CMTM8: variants seen among roughly 807,000 people sequenced by gnomAD.
CMTM8 encodes CKLF-like MARVEL transmembrane domain-containing protein 8.
CMTM8 carries 12 observed loss-of-function variants against 18.6 expected under a neutral mutation model. The ratio of observed to expected loss-of-function variants is 0.65; its 90% CI spans 0.41 to 1.05. CMTM8 has a LOEUF of 1.05. CMTM8 is among the 50% of genes least tolerant of loss of function. The pLI is 0.00. For missense variants in CMTM8, 217 were observed against 227.2 expected (o/e 0.95, Z 0.29); for synonymous variants, 87 against 90.6 (o/e 0.96, Z 0.23).
intron 1 of CMTM8, among the ~76,000 whole-genome samples, chr3:32,330,504 T>C (rs1696253165): frequency 6.6e-6 from 1 of 152,144 alleles, no homozygotes; most frequent in Admixed American, 6.5e-5. Flanking sequence ...ATGTTTGTTT[T>C]ATATGTATAT....
At chr3:32,352,006 G>A (rs1046131895) in intron 1 of CMTM8, among the ~76,000 whole-genome samples, 4 of 151,672 alleles carry the variant, frequency 2.6e-5, no homozygotes, top group East Asian at 1.9e-4. Flanking sequence ...GTGAAACCCC[G>A]TTTATACTAA....
At chr3:32,279,809 T>C (rs1416516492) in intron 1 of CMTM8, among the ~76,000 whole-genome samples, 1 of 138,384 alleles carries the variant, frequency 7.2e-6, no homozygotes, top group Non-Finnish European at 1.5e-5. Flanking sequence ...TGTAAAAGTG[T>C]TCCTATTTCT....
At chr3:32,256,810 CCCTGCTGAGA>C (rs1702179024) in intron 1 of CMTM8, among the ~76,000 whole-genome samples, 1 of 152,156 alleles carries the variant, frequency 6.6e-6, no homozygotes, top group Non-Finnish European at 1.5e-5. Context: ...TCCTGGTGTT[CCCTGCTGAGA>C]ATATATTCCT....
chr3:32,324,892 A>G (rs778986498), intron 1 of CMTM8, among the ~76,000 whole-genome samples: 3 of 152,250 alleles, frequency 2.0e-5, no homozygotes, highest in Non-Finnish European at 4.4e-5. Flanking sequence ...TGGAAAAGTA[A>G]CATAAGGGGA....
At chr3:32,320,923 A>T (rs954050143) in intron 1 of CMTM8, among the ~76,000 whole-genome samples, 2 of 152,052 alleles carry the variant, frequency 1.3e-5, no homozygotes, top group South Asian at 4.1e-4. Flanking sequence ...GAGTTACTTT[A>T]ACAGATAATA....
Position 32,367,969 on chromosome 3 carries a change from ACAG to A in CMTM8, c.421_423del (p.Ser141del), listed in dbSNP as rs1559392446. ...CCTGAGAGGGACAGTCACAACTTCA[ACAG>A]CTGGGCGGCCTCATCGGTGAGTAGC... On this transcript the variant is annotated inframe_deletion, in exon 3 of 4. Coordinates refer to ENST00000307526, the MANE Select transcript of CMTM8 (RefSeq NM_178868.5). 6.2e-7 allele frequency: 1 copy of A among 1,613,660 alleles called. No homozygotes were observed. Among genetic ancestry groups the A allele is most frequent in the East Asian group, 2.2e-5 (1 of 44,878 alleles).
intron 1 of CMTM8, among the ~76,000 whole-genome samples, chr3:32,351,115 A>G (rs1017508112): frequency 4.6e-5 from 7 of 152,262 alleles, no homozygotes; most frequent in Non-Finnish European, 1.0e-4. Context: ...TGTTGAAGCT[A>G]CAGTCATTGG....
intron 1 of CMTM8, among the ~76,000 whole-genome samples, chr3:32,309,375 T>C (rs919322523): frequency 7.0e-6 from 1 of 141,864 alleles, no homozygotes; most frequent in Non-Finnish European, 1.5e-5. Context: ...TGGTACAATC[T>C]CAGCTCACTG....
At chr3:32,352,646 C>A (rs779007128) in intron 1 of CMTM8, among the ~76,000 whole-genome samples, 1 of 152,154 alleles carries the variant, frequency 6.6e-6, no homozygotes, top group African/African-American at 2.4e-5. Flanking sequence ...AAAGCAGAAA[C>A]TAATCTAGGA....
intron 1 of CMTM8, among the ~76,000 whole-genome samples, chr3:32,337,533 T>C (rs1204751421): frequency 6.6e-6 from 1 of 152,196 alleles, no homozygotes; most frequent in Non-Finnish European, 1.5e-5. Flanking sequence ...AAGATTTGTG[T>C]TCTTTGTGAG....
chr3:32,274,201 T>C (rs1702482012), intron 1 of CMTM8, among the ~76,000 whole-genome samples: 1 of 151,836 alleles, frequency 6.6e-6, no homozygotes, highest in South Asian at 2.1e-4. Flanking sequence ...TCCCAGCTAC[T>C]TGGGAAGCTG....
chr3:32,331,125 CAAT>C (rs1464555361), intron 1 of CMTM8, among the ~76,000 whole-genome samples: 1 of 152,022 alleles, frequency 6.6e-6, no homozygotes, highest in Non-Finnish European at 1.5e-5. Flanking sequence ...ACAACAACAA[CAAT>C]AAAAATCAAA....
At position 32,370,081 on chromosome 3, in the gene CMTM8, T is replaced by A; in HGVS notation, c.*114T>A. On this transcript the variant is annotated 3_prime_UTR_variant, in exon 4 of 4. Transcript: ENST00000307526. ...GTATTTAACTAATTAATGTTTTTTA[T>A]ATTCTTAAATTTGCTCACAAATTGT... 2 of 550,776 alleles carry A rather than the reference T, an allele frequency of 3.6e-6. No individual in the cohort carries two copies. 34.1% of individuals were successfully genotyped at this position (550,776 alleles called of 1,614,324 possible).
At chr3:32,288,030 T>C (rs1177657308) in intron 1 of CMTM8, among the ~76,000 whole-genome samples, 2 of 152,250 alleles carry the variant, frequency 1.3e-5, no homozygotes, top group Admixed American at 1.3e-4. Context: ...ATTTGACATG[T>C]TTTATTACGG....
At chr3:32,312,890 T>C (rs1695847866) in intron 1 of CMTM8, among the ~76,000 whole-genome samples, 1 of 151,922 alleles carries the variant, frequency 6.6e-6, no homozygotes, top group Non-Finnish European at 1.5e-5. Flanking sequence ...TTTTTCACCT[T>C]TATTGGTCCA....
chr3:32,321,257 C>T (rs909383033), intron 1 of CMTM8, among the ~76,000 whole-genome samples: 1 of 152,052 alleles, frequency 6.6e-6, no homozygotes, highest in Non-Finnish European at 1.5e-5. Context: ...AGGCTCGGGT[C>T]ACATGTCAGC....
intron 1 of CMTM8, among the ~76,000 whole-genome samples, chr3:32,240,004 T>C (rs2125524821): frequency 6.6e-6 from 1 of 152,352 alleles, no homozygotes; most frequent in African/African-American, 2.4e-5. Flanking sequence ...AGGGCCGTGC[T>C]CATAACTGCA....
intron 1 of CMTM8, among the ~76,000 whole-genome samples, chr3:32,264,875 A>G (rs1481154947): frequency 6.6e-6 from 1 of 152,234 alleles, no homozygotes; most frequent in Non-Finnish European, 1.5e-5. Flanking sequence ...CATAATGGTA[A>G]AGGGATCAAT....
At chr3:32,273,930 G>T (rs1418168822) in intron 1 of CMTM8, among the ~76,000 whole-genome samples, 1 of 152,132 alleles carries the variant, frequency 6.6e-6, no homozygotes, top group Non-Finnish European at 1.5e-5. Flanking sequence ...ACTGGTTTTG[G>T]CATTTGATGA....
Sources: allele counts gnomAD v4.1 joint callset (sites outside exome capture counted in the v4.1 genomes callset), GRCh38; gene constraint gnomAD v4.1.1; transcripts MANE v1.5; gene names NCBI Gene and HGNC (gene_info 2026-07-23, HGNC 2026-07-21).